The following ZNF10 variants were observed in gnomAD, a reference collection of about 807,000 sequenced individuals.
ZNF10 encodes zinc finger protein 10.
ZNF10 carries 8 observed loss-of-function variants against 12.2 expected under a neutral mutation model. The ratio of observed to expected loss-of-function variants is 0.66; its 90% CI spans 0.39 to 1.18. The LOEUF (loss-of-function observed/expected upper bound fraction) is 1.18, where lower values mean the gene tolerates loss of function less well. Among genes scored for constraint, ZNF10 ranks in the 50% most tolerant of loss-of-function variants. The pLI is 0.01. For synonymous variants in ZNF10, 229 were observed against 228.2 expected (o/e 1.00, Z -0.03); for missense variants, 603 against 678.9 (o/e 0.89, Z 1.24).
chr12:133,133,206 C>T (rs1955890773), intron 1 of ZNF10, among the ~76,000 whole-genome samples: 1 of 152,174 alleles, frequency 6.6e-6, no homozygotes, highest in Admixed American at 6.5e-5. Context: ...CGAGTTTTAA[C>T]TTTGTGGCTG....
chr12:133,135,577 A>G (rs970283623), intron 1 of ZNF10, among the ~76,000 whole-genome samples: 2 of 152,076 alleles, frequency 1.3e-5, no homozygotes. Flanking sequence ...TCATGACCCA[A>G]ACAGCACAGC....
chr12:133,151,377 G>A (rs1268855930), intron 3 of ZNF10, among the ~76,000 whole-genome samples: 1 of 152,164 alleles, frequency 6.6e-6, no homozygotes, highest in Non-Finnish European at 1.5e-5. Flanking sequence ...TGGGCATGGT[G>A]GCTCACGCCT....
intron 1 of ZNF10, among the ~76,000 whole-genome samples, chr12:133,142,913 T>G (rs1251541579): frequency 6.6e-6 from 1 of 152,220 alleles, no homozygotes; most frequent in Non-Finnish European, 1.5e-5. Flanking sequence ...ATGGCAGTGT[T>G]ATTCATAATA....
chr12:133,145,871 C>T (rs907752303), intron 2 of ZNF10, among the ~76,000 whole-genome samples: 7 of 139,290 alleles, frequency 5.0e-5, no homozygotes, highest in Admixed American at 4.1e-4. Flanking sequence ...CAGATTTGAC[C>T]ACAGGTTCGC....
In ZNF10 at chr12:133,149,126, T is replaced by C. The variant is rs142462849; in HGVS notation, c.34-1902T>C. Among the ~76,000 whole-genome samples, 1,133 of 151,894 alleles carry C rather than the reference T, an allele frequency of 7.5e-3. 10 individuals carry two copies. The highest frequency in any genetic ancestry group is 0.026 in the African/African-American group (1,067 of 41,406). ...TTGTTTGTTTTGAGGCAGGGTCTCA[T>C]TGTTGCCCAGGCTGGAGTGCAGTGG... On this transcript the variant is annotated intron_variant, in intron 2 of 4. Transcript: ENST00000248211.
chr12:133,134,161 A>T (rs1453393253), intron 1 of ZNF10, among the ~76,000 whole-genome samples: 2 of 151,390 alleles, frequency 1.3e-5, no homozygotes, highest in African/African-American at 4.9e-5. Flanking sequence ...AAAAAAAAAA[A>T]AATTAGCTGA....
At chr12:133,138,385 T>C (rs115588667) in intron 1 of ZNF10, among the ~76,000 whole-genome samples, 3,044 of 140,336 alleles carry the variant, frequency 0.022, 110 homozygotes, top group African/African-American at 0.073. Flanking sequence ...TGAGACCCTG[T>C]CTAAAAAAAA....
chr12:133,133,830 T>C (rs977594011), intron 1 of ZNF10, among the ~76,000 whole-genome samples: 1 of 152,188 alleles, frequency 6.6e-6, no homozygotes, highest in Admixed American at 6.5e-5. Context: ...ATCTCTGCCC[T>C]TGTGGCAGCC....
intron 1 of ZNF10, among the ~76,000 whole-genome samples, chr12:133,131,625 C>T (rs1348266092): frequency 6.6e-6 from 1 of 152,190 alleles, no homozygotes; most frequent in Admixed American, 6.5e-5. Flanking sequence ...TACCTCCACA[C>T]TAACTTTTCT....
intron 1 of ZNF10, among the ~76,000 whole-genome samples, chr12:133,135,394 A>G (rs1955905047): frequency 6.6e-6 from 1 of 150,928 alleles, no homozygotes; most frequent in East Asian, 1.9e-4. Context: ...CAAAACAGGA[A>G]ATAAATAATG....
chr12:133,155,488 T>C lies in ZNF10; in HGVS notation c.257-15T>C. 1 of 1,560,926 alleles carries C rather than the reference T, an allele frequency of 6.4e-7. No homozygotes were observed. The highest frequency in any genetic ancestry group is 8.6e-7 in the Non-Finnish European group (1 of 1,159,050). ...TACTCTGTTTAGTTACACAAACATT[T>C]TTCATTTCTTTCAGATTCAGAGACT... On this transcript the variant is annotated splice_polypyrimidine_tract_variant and intron_variant, in intron 4 of 4. Coordinates refer to ENST00000248211, the MANE Select transcript of ZNF10 (RefSeq NM_015394.5).
In ZNF10 at chr12:133,157,666, A is replaced by C. The variant is rs1566352015; in HGVS notation, c.*698A>C. The C allele has an allele frequency of 1.3e-5, 2 of 152,238 alleles. No individual in the cohort carries two copies. Among genetic ancestry groups the C allele is most frequent in the African/African-American group, 4.8e-5 (2 of 41,472 alleles). 9.4% of individuals were successfully genotyped at this position (152,238 alleles called of 1,614,324 possible). A position where few individuals can be genotyped will look rare whatever the true frequency, so the allele number is the denominator to read the frequency against. ...TAGTCTGTTTAATGTTGCTGTAATAATTATTTTAAGAAACTTTTAAATATT... is the reference window on the plus strand; with the variant it reads ...TAGTCTGTTTAATGTTGCTGTAATACTTATTTTAAGAAACTTTTAAATATT... On this transcript the variant is annotated 3_prime_UTR_variant, in exon 5 of 5. Coordinates refer to ENST00000248211, the MANE Select transcript of ZNF10 (RefSeq NM_015394.5).
At chr12:133,137,357 T>G (rs1039797796) in intron 1 of ZNF10, among the ~76,000 whole-genome samples, 2 of 152,234 alleles carry the variant, frequency 1.3e-5, no homozygotes, top group Non-Finnish European at 1.5e-5. Flanking sequence ...AATGGCATTC[T>G]TGGCTGGCTG....
intron 1 of ZNF10, among the ~76,000 whole-genome samples, chr12:133,135,832 A>C (rs999211821): frequency 1.3e-5 from 2 of 152,238 alleles, no homozygotes; most frequent in Non-Finnish European, 2.9e-5. Flanking sequence ...AACACTGCAC[A>C]GTTTGCCTTT....
At chr12:133,145,444 A>C (rs1322974933) in intron 2 of ZNF10, among the ~76,000 whole-genome samples, 3 of 152,172 alleles carry the variant, frequency 2.0e-5, no homozygotes, top group Non-Finnish European at 2.9e-5. Context: ...TAATACTATG[A>C]GACAGACGGT....
At chr12:133,150,690 CT>C (rs1956002027) in intron 2 of ZNF10, among the ~76,000 whole-genome samples, 1 of 151,740 alleles carries the variant, frequency 6.6e-6, no homozygotes, top group Non-Finnish European at 1.5e-5. Context: ...GAATTAGGTT[CT>C]TTATTTACGT....
At chr12:133,151,375 G>T (rs1451613421) in intron 3 of ZNF10, among the ~76,000 whole-genome samples, 1 of 152,192 alleles carries the variant, frequency 6.6e-6, no homozygotes, top group Non-Finnish European at 1.5e-5. Context: ...GCTGGGCATG[G>T]TGGCTCACGC....
chr12:133,155,361 C>T (rs941277998), intron 4 of ZNF10, 142 bp from the exon 5 acceptor site: 2 of 925,896 alleles, frequency 2.2e-6, no homozygotes, highest in African/African-American at 3.4e-5. Context: ...CTCCATTCTT[C>T]CTTTTCTCAT....
At chr12:133,134,248 G>A (rs768968053) in intron 1 of ZNF10, among the ~76,000 whole-genome samples, 58 of 152,076 alleles carry the variant, frequency 3.8e-4, no homozygotes, top group Non-Finnish European at 6.9e-4. Flanking sequence ...AAGAGGCGGC[G>A]GTTGCAATGA....
Sources: gnomAD v4.1 joint callset for allele counts (sites outside exome capture counted in the v4.1 genomes callset) on GRCh38, gnomAD v4.1.1 for gene constraint, MANE v1.5 for transcripts, NCBI Gene and HGNC (gene_info 2026-07-23, HGNC 2026-07-21) for gene names.